Variants in DCAF4L1 observed in about 807,000 individuals in gnomAD.
DCAF4L1 encodes DDB1- and CUL4-associated factor 4-like protein 1.
DCAF4L1 carries 4 observed loss-of-function variants against 28.2 expected under a neutral mutation model. The observed-to-expected ratio is 0.14, with a 90% CI of 0.07 to 0.33. DCAF4L1 has a LOEUF of 0.33. DCAF4L1 is among the 10% of genes least tolerant of loss of function. The pLI, the probability that DCAF4L1 is intolerant of heterozygous loss-of-function variation, is 1.00. For missense variants in DCAF4L1, 331 were observed against 506.1 expected, an observed-to-expected ratio of 0.65 and a Z score of 3.32; for synonymous variants, 252 against 212.1, an observed-to-expected ratio of 1.19 and a Z score of -1.63.
At position 41,983,026 on chromosome 4, in the gene DCAF4L1, G is replaced by A. The variant is rs755256295; in HGVS notation, c.*43G>A. ...CGGCCGAATGTGGATTTGACTTAAG[G>A]AAGTTAAGAGTATCTTATTACCGTT... is the stretch of plus-strand genomic sequence containing the variant. On this transcript the variant is annotated 3_prime_UTR_variant, in exon 1 of 1. Transcript: ENST00000333141. 6.6e-7 allele frequency: 1 copy of A among 1,505,232 alleles called. No homozygotes were observed. Among genetic ancestry groups the A allele is most frequent in the Non-Finnish European group, 9.0e-7 (1 of 1,108,150 alleles). The allele number at this position is 1,505,232 out of a possible 1,614,324, so 93.2% of individuals were successfully genotyped here.
chr4:41,981,785 A>T lies in DCAF4L1; in HGVS notation c.-8A>T, dbSNP rs201558079. On this transcript the variant is annotated 5_prime_UTR_variant, in exon 1 of 1. Coordinates refer to ENST00000333141, the MANE Select transcript of DCAF4L1 (RefSeq NM_001029955.4). ...TTTCCTGTCACGAGGAACATTCCGCAGGAGGAAATGGAGGCTGAAAGGCTG... is the reference window on the plus strand; with the variant it reads ...TTTCCTGTCACGAGGAACATTCCGCTGGAGGAAATGGAGGCTGAAAGGCTG... 1.1e-4 allele frequency: 177 copies of T among 1,611,954 alleles called. 3 individuals carry two copies. In the South Asian group the frequency reaches 1.8e-3, roughly 17 times the overall value.
At position 41,982,495 on chromosome 4, in the gene DCAF4L1, A is replaced by G. The variant is rs763889937; in HGVS notation, c.703A>G (p.Thr235Ala). The G allele has an allele frequency of 3.7e-6, 6 of 1,614,074 alleles. No homozygotes were observed. In the African/African-American group the frequency reaches 8.0e-5, roughly 22 times the overall value. The change falls in exon 1 of 1, where the codon ACG becomes GCG. Residue 235 changes from threonine to alanine, a missense_variant. Transcript: ENST00000333141. This position sits in a 1 kb window ranked among gnomAD's most constrained non-coding sequence, Gnocchi z 4.4. ...TGTCTTGGCCCAGCAGTTTGCTAGT[A>G]CGGCTCCTTTGCTGTTTAATGGCTG... is the stretch of plus-strand genomic sequence containing the variant. ...SDVLAQQFASTAPLLFNGCRS... is the reference protein window; with the variant it reads ...SDVLAQQFASAAPLLFNGCRS...
In DCAF4L1 at chr4:41,984,109, TTTTTC is replaced by T. The variant is rs1344068047; in HGVS notation, c.*1131_*1135del. On this transcript the variant is annotated 3_prime_UTR_variant, in exon 1 of 1. Transcript: ENST00000333141. ...TGTAGAAAGAAAGGATTTTTTTTTC[TTTTTC>T]TTTTTAGGATGTTTGAGAAGTGACA... 6.1e-6 allele frequency: 1 copy of T among 164,184 alleles called. No individual in the cohort carries two copies. Among genetic ancestry groups the T allele is most frequent in the Non-Finnish European group, 1.5e-5 (1 of 68,012 alleles). 10.2% of individuals were successfully genotyped at this position (164,184 alleles called of 1,614,324 possible).
At position 41,983,140 on chromosome 4, in the gene DCAF4L1, C is replaced by A; in HGVS notation, c.*157C>A. 1 of 652,764 alleles carries A rather than the reference C, an allele frequency of 1.5e-6. No homozygotes were observed. 40.4% of individuals were successfully genotyped at this position (652,764 alleles called of 1,614,324 possible). A position where few individuals can be genotyped will look rare whatever the true frequency, so the allele number is the denominator to read the frequency against. Reference sequence around the variant, plus strand: ...AGGTGTTAAGAGTTTTATGTGGAGACGTTCTTGTAAAGTTATTTCAGTTAA... The same window carrying A: ...AGGTGTTAAGAGTTTTATGTGGAGAAGTTCTTGTAAAGTTATTTCAGTTAA... On this transcript the variant is annotated 3_prime_UTR_variant, in exon 1 of 1. Transcript: ENST00000333141.
chr4:41,985,336 A>T lies in DCAF4L1; in HGVS notation c.*2353A>T, dbSNP rs987723082. 6.0e-6 allele frequency: 1 copy of T among 167,108 alleles called. No homozygotes were observed. Among genetic ancestry groups the T allele is most frequent in the Non-Finnish European group, 1.5e-5 (1 of 68,120 alleles). The allele number at this position is 167,108 out of a possible 1,614,324, so 10.4% of individuals were successfully genotyped here. A position where few individuals can be genotyped will look rare whatever the true frequency, so the allele number is the denominator to read the frequency against. On this transcript the variant is annotated 3_prime_UTR_variant, in exon 1 of 1. Coordinates refer to ENST00000333141, the MANE Select transcript of DCAF4L1 (RefSeq NM_001029955.4). Reference sequence around the variant, plus strand: ...TTTGAAAAGGCATCCAACTTCTTTTATTGTCAAGGAAATGCAAATTAAAAC... The same window carrying T: ...TTTGAAAAGGCATCCAACTTCTTTTTTTGTCAAGGAAATGCAAATTAAAAC...
In DCAF4L1 at chr4:41,982,018, T is replaced by A. The variant is rs1341917485; in HGVS notation, c.226T>A (p.Phe76Ile). The A allele has an allele frequency of 6.2e-7, 1 of 1,614,118 alleles. No homozygotes were observed. The highest frequency in any genetic ancestry group is 1.3e-5 in the African/African-American group (1 of 74,944). The change falls in exon 1 of 1, where the codon TTC becomes ATC. Residue 76 changes from phenylalanine (F) to isoleucine (I), a missense_variant. Coordinates refer to ENST00000333141, the MANE Select transcript of DCAF4L1 (RefSeq NM_001029955.4). This position sits in a 1 kb window ranked among gnomAD's most constrained non-coding sequence, Gnocchi z 4.4. ...PSSLASDRFNFILASTNSDQL... is the reference protein window; with the variant it reads ...PSSLASDRFNIILASTNSDQL... ...CTCTTTGGCGAGCGACCGATTTAAC[T>A]TCATTCTGGCGAGTACCAACAGCGA...
rs772769314 is a variant in DCAF4L1 at position 41,982,644 on chromosome 4, C to G, written c.852C>G (p.Cys284Trp). 1.2e-6 allele frequency: 2 copies of G among 1,614,124 alleles called. No individual in the cohort carries two copies. Among genetic ancestry groups the G allele is most frequent in the African/African-American group, 2.7e-5 (2 of 74,948 alleles). ...TGCAAATCCTCCAAGAAGAGCAATG[C>G]CTGATGGCATCAGACATGACTGGAA... is the stretch of plus-strand genomic sequence containing the variant. ...TSVQILQEEQCLMASDMTGKI... is the reference protein window; with the variant it reads ...TSVQILQEEQWLMASDMTGKI... The change falls in exon 1 of 1, where the codon TGC becomes TGG. Residue 284 changes from cysteine (C) to tryptophan (W), a missense_variant. By Grantham distance (215) the Cys-to-Trp change is radical. Coordinates refer to ENST00000333141, the MANE Select transcript of DCAF4L1 (RefSeq NM_001029955.4). The surrounding 1 kb of genome is among the most constrained non-coding windows in gnomAD (Gnocchi z 4.4).
Position 41,982,252 on chromosome 4 carries a change from A to G in DCAF4L1, c.460A>G (p.Ser154Gly). ...LCFEGITDAP[S>G]CAVLLPASRF... ...CTTCGAGGGAATCACAGATGCTCCA[A>G]GCTGTGCAGTGCTGCTCCCAGCGTC... Residue 154 changes from serine (S) to glycine (G), a missense_variant, in exon 1 of 1, where the codon AGC (serine) becomes GGC (glycine). By Grantham distance (56) the Ser-to-Gly change is moderately conservative. Coordinates refer to ENST00000333141, the MANE Select transcript of DCAF4L1 (RefSeq NM_001029955.4). The surrounding 1 kb of genome is among the most constrained non-coding windows in gnomAD (Gnocchi z 4.4). The G allele has an allele frequency of 6.2e-7, 1 of 1,614,188 alleles. No individual in the cohort carries two copies. The highest frequency in any genetic ancestry group is 8.5e-7 in the Non-Finnish European group (1 of 1,180,044).
chr4:41,982,738 G>T lies in DCAF4L1; in HGVS notation c.946G>T (p.Ala316Ser). 3 of 1,614,210 alleles carry T rather than the reference G, an allele frequency of 1.9e-6. No individual in the cohort carries two copies. Among genetic ancestry groups the T allele is most frequent in the Non-Finnish European group, 2.5e-6 (3 of 1,180,044 alleles). ...RQYEGHVNES[A>S]YLPLHVHEEE... ...GTACGAAGGTCACGTGAATGAGTCC[G>T]CCTATCTGCCCCTGCATGTGCACGA... Residue 316 changes from alanine (A) to serine (S), a missense_variant, in exon 1 of 1, where the codon GCC (alanine) becomes TCC (serine). By Grantham distance (99) the Ala-to-Ser change is moderately conservative (BLOSUM62 1). Transcript: ENST00000333141. This position sits in a 1 kb window ranked among gnomAD's most constrained non-coding sequence, Gnocchi z 4.4.
chr4:41,985,491 G>A lies in DCAF4L1; in HGVS notation c.*2508G>A, dbSNP rs1348800715. On this transcript the variant is annotated 3_prime_UTR_variant, in exon 1 of 1. Coordinates refer to ENST00000333141, the MANE Select transcript of DCAF4L1 (RefSeq NM_001029955.4). ...ATAGAACTTTCATATACTGTTGAGTGTATACTGGTACAAGCACTTGGAAAA... is the reference window on the plus strand; with the variant it reads ...ATAGAACTTTCATATACTGTTGAGTATATACTGGTACAAGCACTTGGAAAA... 1.2e-5 allele frequency: 2 copies of A among 167,090 alleles called. No individual in the cohort carries two copies. Among genetic ancestry groups the A allele is most frequent in the African/African-American group, 4.8e-5 (2 of 41,454 alleles). 10.4% of individuals were successfully genotyped at this position (167,090 alleles called of 1,614,324 possible).
chr4:41,985,012 C>G lies in DCAF4L1; in HGVS notation c.*2029C>G, dbSNP rs948514487. The G allele has an allele frequency of 1.2e-5, 2 of 166,898 alleles. No individual in the cohort carries two copies. Among genetic ancestry groups the G allele is most frequent in the African/African-American group, 4.8e-5 (2 of 41,390 alleles). 10.3% of individuals were successfully genotyped at this position (166,898 alleles called of 1,614,324 possible). A position where few individuals can be genotyped will look rare whatever the true frequency, so the allele number is the denominator to read the frequency against. ...CAGGGTTAAAGGATATGTATCTTGT[C>G]CCTTTTACATTGTAAGCATTCAAAA... On this transcript the variant is annotated 3_prime_UTR_variant, in exon 1 of 1. Coordinates refer to ENST00000333141, the MANE Select transcript of DCAF4L1 (RefSeq NM_001029955.4).
rs919063521 is a variant in DCAF4L1, at chr4:41,984,056, T to C, written c.*1073T>C. On this transcript the variant is annotated 3_prime_UTR_variant, in exon 1 of 1. Coordinates refer to ENST00000333141, the MANE Select transcript of DCAF4L1 (RefSeq NM_001029955.4). Reference sequence around the variant, plus strand: ...AAAAGCAGTAAAAACTTGTCTATGGTGATTAAAGGTAGAGTAGTACGTACC... The same window carrying C: ...AAAAGCAGTAAAAACTTGTCTATGGCGATTAAAGGTAGAGTAGTACGTACC... 2 of 163,370 alleles carry C rather than the reference T, an allele frequency of 1.2e-5. No homozygotes were observed. Among genetic ancestry groups the C allele is most frequent in the African/African-American group, 2.4e-5 (1 of 41,434 alleles). The allele number at this position is 163,370 out of a possible 1,614,324, so 10.1% of individuals were successfully genotyped here. A position where few individuals can be genotyped will look rare whatever the true frequency, so the allele number is the denominator to read the frequency against.
chr4:41,983,804 A>G lies in DCAF4L1; in HGVS notation c.*821A>G, dbSNP rs1008605112. 3 of 166,946 alleles carry G rather than the reference A, an allele frequency of 1.8e-5. No homozygotes were observed. The South Asian group carries it at 6.2e-4, about 35-fold the overall frequency. The allele number at this position is 166,946 out of a possible 1,614,324, so 10.3% of individuals were successfully genotyped here. ...CCTGTTTTTCTACTAAGCAAGGAAG[A>G]AAAAAAACGTGTAATAAGGTTAGTT... is the stretch of plus-strand genomic sequence containing the variant. On this transcript the variant is annotated 3_prime_UTR_variant, in exon 1 of 1. Coordinates refer to ENST00000333141, the MANE Select transcript of DCAF4L1 (RefSeq NM_001029955.4).
Position 41,983,945 on chromosome 4 carries a change from A to G in DCAF4L1, c.*962A>G, listed in dbSNP as rs1577667412. ...TAATAGAAAATAAGGCACACTTGCT[A>G]TGTGAAACAGTATGGACCAATCTCA... On this transcript the variant is annotated 3_prime_UTR_variant, in exon 1 of 1. Coordinates refer to ENST00000333141, the MANE Select transcript of DCAF4L1 (RefSeq NM_001029955.4). 6.0e-6 allele frequency: 1 copy of G among 165,968 alleles called. No individual in the cohort carries two copies. Among genetic ancestry groups the G allele is most frequent in the Non-Finnish European group, 1.5e-5 (1 of 68,120 alleles). The allele number at this position is 165,968 out of a possible 1,614,324, so 10.3% of individuals were successfully genotyped here.
At position 41,986,122 on chromosome 4, in the gene DCAF4L1, C is replaced by T. The variant is rs952343972; in HGVS notation, c.*3139C>T. The T allele has an allele frequency of 1.8e-5, 3 of 167,150 alleles. No individual in the cohort carries two copies. Among genetic ancestry groups the T allele is most frequent in the African/African-American group, 4.8e-5 (2 of 41,462 alleles). 10.4% of individuals were successfully genotyped at this position (167,150 alleles called of 1,614,324 possible). A position where few individuals can be genotyped will look rare whatever the true frequency, so the allele number is the denominator to read the frequency against. On this transcript the variant is annotated 3_prime_UTR_variant, in exon 1 of 1. Transcript: ENST00000333141. The stretch of plus-strand genomic sequence containing the variant: ...GTTTATATAGCATTTTCATTTAGCA[C>T]ACTCCACCTAGCAACCTCCATTTAA...
At position 41,983,020 on chromosome 4, in the gene DCAF4L1, C is replaced by G; in HGVS notation, c.*37C>G. The G allele has an allele frequency of 6.5e-7, 1 of 1,538,460 alleles. No individual in the cohort carries two copies. The highest frequency in any genetic ancestry group is 8.8e-7 in the Non-Finnish European group (1 of 1,134,850). On this transcript the variant is annotated 3_prime_UTR_variant, in exon 1 of 1. Coordinates refer to ENST00000333141, the MANE Select transcript of DCAF4L1 (RefSeq NM_001029955.4). ...GCAGCGCGGCCGAATGTGGATTTGA[C>G]TTAAGGAAGTTAAGAGTATCTTATT...
At position 41,983,655 on chromosome 4, in the gene DCAF4L1, T is replaced by C. The variant is rs1714063365; in HGVS notation, c.*672T>C. On this transcript the variant is annotated 3_prime_UTR_variant, in exon 1 of 1. Coordinates refer to ENST00000333141, the MANE Select transcript of DCAF4L1 (RefSeq NM_001029955.4). ...GCTTTTGTTGAGGTACCTTTCAGAATGTAAGGTACAGCAGCTCCGGTTTCT... is the reference window on the plus strand; with the variant it reads ...GCTTTTGTTGAGGTACCTTTCAGAACGTAAGGTACAGCAGCTCCGGTTTCT... The C allele has an allele frequency of 6.0e-6, 1 of 167,112 alleles. No homozygotes were observed. The highest frequency in any genetic ancestry group is 1.9e-4 in the East Asian group (1 of 5,198). 10.4% of individuals were successfully genotyped at this position (167,112 alleles called of 1,614,324 possible).
Position 41,982,665 on chromosome 4 carries a change from T to G in DCAF4L1, c.873T>G (p.Thr291=), listed in dbSNP as rs749122872. 1.2e-6 allele frequency: 2 copies of G among 1,614,176 alleles called. No homozygotes were observed. Among genetic ancestry groups the G allele is most frequent in the Admixed American group, 1.7e-5 (1 of 60,030 alleles). ...EEQCLMASDM[T]GKIKLWDLRA... ...AATGCCTGATGGCATCAGACATGAC[T>G]GGAAAGATCAAGCTGTGGGATCTGA... Residue 291 remains threonine, a synonymous_variant, in exon 1 of 1, where the codon ACT becomes ACG. Transcript: ENST00000333141. The surrounding 1 kb of genome is among the most constrained non-coding windows in gnomAD (Gnocchi z 4.4).
rs1273865118 is a variant in DCAF4L1, at chr4:41,986,278, G to A, written c.*3295G>A. The A allele has an allele frequency of 6.0e-6, 1 of 167,082 alleles. No individual in the cohort carries two copies. Among genetic ancestry groups the A allele is most frequent in the Admixed American group, 6.5e-5 (1 of 15,276 alleles). 10.3% of individuals were successfully genotyped at this position (167,082 alleles called of 1,614,324 possible). ...TCCTGTTTCCTTAGTTTGGGATTCTGAGCACACATTCGTTTTAGATCACAG... is the reference window on the plus strand; with the variant it reads ...TCCTGTTTCCTTAGTTTGGGATTCTAAGCACACATTCGTTTTAGATCACAG... On this transcript the variant is annotated 3_prime_UTR_variant, in exon 1 of 1. Transcript: ENST00000333141.
Sources: allele counts gnomAD v4.1 joint callset, GRCh38; gene constraint gnomAD v4.1.1; non-coding constraint Gnocchi (gnomAD v3.1); transcripts MANE v1.5; gene names NCBI Gene and HGNC (gene_info 2026-07-23, HGNC 2026-07-21).